Variants in WDR7 observed in about 807,000 individuals in gnomAD.
The protein encoded by WDR7 is WD repeat domain 7.
A neutral mutation model predicts 169.4 loss-of-function variants in WDR7; 46 were observed. The observed-to-expected ratio is 0.27, with a 90% CI of 0.21 to 0.35. The LOEUF is 0.35. Ranked by LOEUF, WDR7 falls within the 10% of genes least tolerant of loss-of-function variation. The pLI is 1.00. For synonymous variants in WDR7, 612 were observed against 666.8 expected (o/e 0.92, Z 1.27); for missense variants, 1,534 against 1,859.3 (o/e 0.83, Z 3.22).
At chr18:56,887,423 G>A (rs58284925) in intron 21 of WDR7, among the ~76,000 whole-genome samples, 14,666 of 152,156 alleles carry the variant, frequency 0.096, 1,829 homozygotes, top group African/African-American at 0.29. Flanking sequence ...ACTAGATATG[G>A]GAAGGGAAGA....
In WDR7 at chr18:56,745,519, G is replaced by T. The variant is rs117487346; in HGVS notation, c.1990-11064G>T. The stretch of plus-strand genomic sequence containing the variant: ...AAGGAACGCACACTGTAAATCCCTT[G>T]CATACACAGTTCACAATAGGGTTTT... On this transcript the variant is annotated intron_variant, in intron 14 of 27. Transcript: ENST00000254442. Among the ~76,000 whole-genome samples the T allele has an allele frequency of 2.9e-3, 442 of 152,216 alleles. 3 individuals carry two copies. The East Asian group carries it at 0.032, about 11-fold the overall frequency.
chr18:57,027,278 C>T lies in WDR7; in HGVS notation c.*71C>T, dbSNP rs2048380289. The T allele has an allele frequency of 6.6e-7, 1 of 1,518,756 alleles. No homozygotes were observed. Among genetic ancestry groups the T allele is most frequent in the South Asian group, 1.2e-5 (1 of 80,368 alleles). The allele number at this position is 1,518,756 out of a possible 1,614,324, so 94.1% of individuals were successfully genotyped here. On this transcript the variant is annotated 3_prime_UTR_variant, in exon 28 of 28. Transcript: ENST00000254442. Reference sequence around the variant, plus strand: ...CCAAGCCGATGTTGCTCTGTCCTTCCTCACACCAGATTGTTCCCAGGGGCC... The same window carrying T: ...CCAAGCCGATGTTGCTCTGTCCTTCTTCACACCAGATTGTTCCCAGGGGCC...
chr18:56,798,038 C>T (rs1029250347), intron 19 of WDR7, among the ~76,000 whole-genome samples: 1 of 152,110 alleles, frequency 6.6e-6, no homozygotes, highest in Non-Finnish European at 1.5e-5. Context: ...GGAAATGTTT[C>T]TGTAATCTGT....
intron 3 of WDR7, among the ~76,000 whole-genome samples, chr18:56,680,279 G>T (rs1203037721): frequency 6.6e-6 from 1 of 152,132 alleles, no homozygotes; most frequent in South Asian, 2.1e-4. Flanking sequence ...GATCACCCGA[G>T]CCCAGGAGAT....
intron 21 of WDR7, among the ~76,000 whole-genome samples, chr18:56,896,650 G>A (rs2046336041): frequency 6.6e-6 from 1 of 151,768 alleles, no homozygotes; most frequent in Non-Finnish European, 1.5e-5. Flanking sequence ...AAAAAATAAT[G>A]AAATTGGATC....
At chr18:56,901,428 A>G (rs1052906727) in intron 21 of WDR7, among the ~76,000 whole-genome samples, 3 of 152,112 alleles carry the variant, frequency 2.0e-5, no homozygotes, top group Admixed American at 6.6e-5. Context: ...CCATGCCTCA[A>G]AAAATGAATT....
At chr18:56,841,887 A>AGT (rs2045492039) in intron 20 of WDR7, among the ~76,000 whole-genome samples, 2 of 152,180 alleles carry the variant, frequency 1.3e-5, no homozygotes, top group South Asian at 4.1e-4. Flanking sequence ...TGGAAGGATA[A>AGT]TATAACTTTT....
chr18:56,878,292 T>C lies in WDR7; in HGVS notation c.3305-1652T>C, dbSNP rs1264854426. Among the ~76,000 whole-genome samples the C allele has an allele frequency of 3.3e-5, 5 of 152,242 alleles. No homozygotes were observed. The East Asian group carries it at 9.6e-4, about 29-fold the overall frequency. On this transcript the variant is annotated intron_variant, in intron 20 of 27. Transcript: ENST00000254442. ...AGTATTTCTTCAAATATCTGATTGC[T>C]GTTTTGCATTCTGTGCCATACTGGA...
At chr18:56,852,127 C>CAGG (rs1568231207) in intron 20 of WDR7, among the ~76,000 whole-genome samples, 2 of 152,176 alleles carry the variant, frequency 1.3e-5, no homozygotes, top group Non-Finnish European at 2.9e-5. Flanking sequence ...TTCTCCAACC[C>CAGG]TGTTCCCACC....
chr18:56,730,172 T>G (rs1468768910), intron 13 of WDR7, among the ~76,000 whole-genome samples: 1 of 152,208 alleles, frequency 6.6e-6, no homozygotes, highest in Non-Finnish European at 1.5e-5. Flanking sequence ...GAACAAAACA[T>G]CTGAAACTCT....
intron 21 of WDR7, among the ~76,000 whole-genome samples, chr18:56,907,052 T>A (rs1332309749): frequency 6.6e-6 from 1 of 152,204 alleles, no homozygotes; most frequent in African/African-American, 2.4e-5. Flanking sequence ...TGGGCCGGAT[T>A]ATCTGTTAAG....
intron 21 of WDR7, among the ~76,000 whole-genome samples, chr18:56,891,363 C>T (rs1454923094): frequency 6.6e-6 from 1 of 151,962 alleles, no homozygotes; most frequent in Non-Finnish European, 1.5e-5. Context: ...GCTCGATTTC[C>T]TTAACTAAGA....
chr18:56,702,078 A>C (rs542974715), intron 12 of WDR7, among the ~76,000 whole-genome samples: 1 of 152,274 alleles, frequency 6.6e-6, no homozygotes, highest in East Asian at 1.9e-4. Flanking sequence ...AGAGTGTACC[A>C]GTTGCCTGGG....
intron 16 of WDR7, among the ~76,000 whole-genome samples, chr18:56,775,377 A>T (rs1439423938): frequency 6.6e-6 from 1 of 152,162 alleles, no homozygotes; most frequent in African/African-American, 2.4e-5. Flanking sequence ...TGCATGGAGG[A>T]TGAATAATTT....
At chr18:56,682,475 A>C (rs1471226589) in intron 4 of WDR7, among the ~76,000 whole-genome samples, 1 of 152,216 alleles carries the variant, frequency 6.6e-6, no homozygotes, top group Non-Finnish European at 1.5e-5. Flanking sequence ...TTTGTTAGCT[A>C]TTTAAAAATT....
Position 56,840,808 on chromosome 18 carries a change from G to C in WDR7, c.3304+24664G>C, listed in dbSNP as rs1187217178. Among the ~76,000 whole-genome samples, 4 of 150,638 alleles carry C rather than the reference G, an allele frequency of 2.7e-5. No homozygotes were observed. In the South Asian group the frequency reaches 8.4e-4, roughly 32 times the overall value. ...TACTCCAGCCTGGATGATAGAGTGA[G>C]ATCTTGTCTCAAAAAAAAGAAAAAA... On this transcript the variant is annotated intron_variant, in intron 20 of 27. Coordinates refer to ENST00000254442, the MANE Select transcript of WDR7 (RefSeq NM_015285.3).
chr18:56,728,848 C>T (rs1419862282), intron 13 of WDR7, among the ~76,000 whole-genome samples: 2 of 152,190 alleles, frequency 1.3e-5, no homozygotes, highest in Non-Finnish European at 2.9e-5. Context: ...GCTGCTGCCA[C>T]CACTTCCCTC....
rs1471327421 is a variant in WDR7 at position 56,696,272 on chromosome 18, A to G, written c.1388A>G (p.His463Arg). The G allele has an allele frequency of 6.2e-7, 1 of 1,614,118 alleles. No individual in the cohort carries two copies. The highest frequency in any genetic ancestry group is 2.2e-5 in the East Asian group (1 of 44,872). The change falls in exon 12 of 28, where the codon CAT becomes CGT. Residue 463 changes from histidine to arginine, a missense_variant. Physicochemically the swap from His to Arg is conservative, Grantham distance 29. Transcript: ENST00000254442. ...GWPPHRTLRG[H>R]RNKVTCLLYP... Reference sequence around the variant, plus strand: ...CCACCTCACAGAACACTCCGTGGTCATCGGAACAAAGTCACATGTTTGCTA... The same window carrying G: ...CCACCTCACAGAACACTCCGTGGTCGTCGGAACAAAGTCACATGTTTGCTA...
chr18:56,731,273 T>A, intron 13 of WDR7, 110 bp from the exon 14 acceptor site: 1 of 1,277,874 alleles, frequency 7.8e-7, no homozygotes, highest in African/African-American at 1.5e-5. Flanking sequence ...CCAGGAGGCA[T>A]TGATAAAACA....
Sources: gnomAD v4.1 joint callset for allele counts (sites outside exome capture counted in the v4.1 genomes callset) on GRCh38, gnomAD v4.1.1 for gene constraint, MANE v1.5 for transcripts, NCBI Gene and HGNC (gene_info 2026-07-23, HGNC 2026-07-21) for gene names.